Variants in RIMS2 observed in about 807,000 individuals in gnomAD.
The protein encoded by RIMS2 is regulating synaptic membrane exocytosis protein 2.
A neutral mutation model predicts 174.4 loss-of-function variants in RIMS2; 59 were observed. That is an observed-to-expected ratio of 0.34 (90% CI 0.27 to 0.42). The LOEUF (loss-of-function observed/expected upper bound fraction) is 0.42. Ranked by LOEUF, RIMS2 falls within the 10% of genes least tolerant of loss-of-function variation. The pLI, the probability that RIMS2 is intolerant of heterozygous loss-of-function variation, is 1.00. For missense variants in RIMS2, 1,620 were observed against 1,666.3 expected (o/e 0.97, Z 0.48); for synonymous variants, 606 against 572.5 (o/e 1.06, Z -0.84).
chr8:103,912,970 G>GTTTTTTTTTTTTTTTT (rs1272975359), intron 6 of RIMS2, among the ~76,000 whole-genome samples: 1 of 114,906 alleles, frequency 8.7e-6, no homozygotes, highest in East Asian at 2.6e-4. Context: ...TTTTTTTGTT[G>GTTTTTTTTTTTTTTTT]TTTTTTTTTT....
chr8:104,026,462 G>T (rs1330082603), intron 19 of RIMS2, among the ~76,000 whole-genome samples: 1 of 152,014 alleles, frequency 6.6e-6, no homozygotes, highest in Non-Finnish European at 1.5e-5. Context: ...GGCTGTTAGT[G>T]ATTAATTCTT....
intron 4 of RIMS2, among the ~76,000 whole-genome samples, chr8:103,900,168 A>G (rs1216733255): frequency 6.6e-6 from 1 of 151,578 alleles, no homozygotes; most frequent in Non-Finnish European, 1.5e-5. Flanking sequence ...CAGCCAAACT[A>G]AGCTTCATAA....
At chr8:103,856,391 G>A (rs1299682795) in intron 3 of RIMS2, among the ~76,000 whole-genome samples, 3 of 152,162 alleles carry the variant, frequency 2.0e-5, no homozygotes, top group Non-Finnish European at 2.9e-5. Context: ...TTATGTACAA[G>A]TTTTAACTTA....
At chr8:103,890,069 T>C (rs2099234057) in intron 4 of RIMS2, among the ~76,000 whole-genome samples, 1 of 152,018 alleles carries the variant, frequency 6.6e-6, no homozygotes, top group Non-Finnish European at 1.5e-5. Context: ...AGACTGTGTA[T>C]ACACAATACT....
chr8:104,065,567 A>T (rs2097091669), intron 19 of RIMS2, among the ~76,000 whole-genome samples: 1 of 152,142 alleles, frequency 6.6e-6, no homozygotes, highest in East Asian at 1.9e-4. Flanking sequence ...CTTTTTAGGA[A>T]TAGTTTCTAC....
intron 3 of RIMS2, 133 bp from the exon 7 acceptor site, chr8:103,885,165 C>A: frequency 7.8e-7 from 1 of 1,275,628 alleles, no homozygotes; most frequent in Non-Finnish European, 1.0e-6. Flanking sequence ...CATTGTTACG[C>A]TATGCCTTTA....
chr8:103,581,213 A>T (rs1055876072), intron 1 of RIMS2, among the ~76,000 whole-genome samples: 1 of 152,218 alleles, frequency 6.6e-6, no homozygotes, highest in Non-Finnish European at 1.5e-5. Flanking sequence ...ACTGTAGAGC[A>T]TAAATGTAAA....
chr8:103,792,518 A>G (rs960417083), intron 3 of RIMS2, among the ~76,000 whole-genome samples: 10 of 152,164 alleles, frequency 6.6e-5, no homozygotes, highest in Non-Finnish European at 1.3e-4. Flanking sequence ...AGAACTAGAG[A>G]AACAAGAGCA....
At chr8:103,811,586 A>G (rs927614809) in intron 3 of RIMS2, among the ~76,000 whole-genome samples, 1 of 151,860 alleles carries the variant, frequency 6.6e-6, no homozygotes, top group Admixed American at 6.6e-5. Context: ...CTGGGATTAC[A>G]GGCACCCGCC....
chr8:104,187,556 A>T (rs970709359), intron 19 of RIMS2, among the ~76,000 whole-genome samples: 3 of 151,748 alleles, frequency 2.0e-5, no homozygotes, highest in African/African-American at 7.2e-5. Flanking sequence ...TTTTGTTTAG[A>T]TCTGTTCCTT....
chr8:104,190,092 C>G (rs529554051), intron 19 of RIMS2, among the ~76,000 whole-genome samples: 9 of 152,032 alleles, frequency 5.9e-5, no homozygotes, highest in Admixed American at 3.9e-4. Flanking sequence ...TACTTGAGGC[C>G]AGAAGTTCAA....
At chr8:103,977,959 G>A (rs2093591205) in intron 16 of RIMS2, among the ~76,000 whole-genome samples, 1 of 152,184 alleles carries the variant, frequency 6.6e-6, no homozygotes, top group Non-Finnish European at 1.5e-5. Context: ...CTTTCTGTAG[G>A]TCAGTAGGTG....
intron 1 of RIMS2, among the ~76,000 whole-genome samples, chr8:103,567,627 A>G (rs565079272): frequency 1.6e-4 from 24 of 152,294 alleles, no homozygotes; most frequent in Non-Finnish European, 2.6e-4. Flanking sequence ...GTGAACATTT[A>G]TGTACAAGTT....
intron 1 of RIMS2, among the ~76,000 whole-genome samples, chr8:103,545,047 G>T (rs1844364887): frequency 6.6e-6 from 1 of 152,198 alleles, no homozygotes; most frequent in Non-Finnish European, 1.5e-5. Flanking sequence ...AGGCTTAAAT[G>T]ACTGCAATGT....
rs760760416 is a variant in RIMS2 at position 103,652,727 on chromosome 8, A to C, written c.177-44359A>C. ...GCCCCAGACGTAAGTAAGCTGATCT[A>C]TATAGACTAAATATTATCTCTGATA... is the stretch of plus-strand genomic sequence containing the variant. On this transcript the variant is annotated intron_variant, in intron 1 of 23. Transcript: ENST00000504942. 2.3e-6 allele frequency: 3 copies of C among 1,290,946 alleles called. No individual in the cohort carries two copies. The highest frequency in any genetic ancestry group is 2.1e-6 in the Non-Finnish European group (2 of 970,232). 80.0% of individuals were successfully genotyped at this position (1,290,946 alleles called of 1,614,324 possible). A position where few individuals can be genotyped will look rare whatever the true frequency, so the allele number is the denominator to read the frequency against.
At chr8:103,747,212 A>G (rs1045103691) in intron 2 of RIMS2, among the ~76,000 whole-genome samples, 3 of 150,856 alleles carry the variant, frequency 2.0e-5, no homozygotes, top group Non-Finnish European at 4.4e-5. Context: ...ATCTAGCATT[A>G]GGTATATCTC....
At chr8:104,204,112 C>T (rs1390868613) in intron 19 of RIMS2, among the ~76,000 whole-genome samples, 2 of 152,298 alleles carry the variant, frequency 1.3e-5, no homozygotes, top group Admixed American at 1.3e-4. Context: ...AATTTTGGAA[C>T]ATAAATTTGC....
chr8:104,015,341 G>A (rs1232270160), intron 19 of RIMS2: 2 of 613,958 alleles, frequency 3.3e-6, no homozygotes, highest in Non-Finnish European at 5.8e-6. Flanking sequence ...GGAAATTTCT[G>A]TTGTTTTTAA....
chr8:104,037,785 A>T (rs2096544756), intron 19 of RIMS2, among the ~76,000 whole-genome samples: 1 of 152,182 alleles, frequency 6.6e-6, no homozygotes. Context: ...AAGTGATTTT[A>T]TACATGCATT....
Sources: allele counts gnomAD v4.1 joint callset (sites outside exome capture counted in the v4.1 genomes callset), GRCh38; gene constraint gnomAD v4.1.1; transcripts MANE v1.5; gene names NCBI Gene and HGNC (gene_info 2026-07-23, HGNC 2026-07-21).